The following SLC25A42 variants were observed in gnomAD, a reference collection of about 807,000 sequenced individuals.
The protein encoded by SLC25A42 is mitochondrial coenzyme A transporter SLC25A42.
In SLC25A42, 19 loss-of-function variants were observed where a neutral mutation model predicts 34.7. The ratio of observed to expected loss-of-function variants is 0.55; its 90% CI spans 0.38 to 0.80. The LOEUF (loss-of-function observed/expected upper bound fraction) is 0.80. Ranked by LOEUF, SLC25A42 falls within the 30% of genes least tolerant of loss-of-function variation. The pLI is 0.00. For missense variants in SLC25A42, 364 were observed against 441.3 expected (o/e 0.82, Z 1.57); for synonymous variants, 205 against 191.2 (o/e 1.07, Z -0.59).
intron 2 of SLC25A42, 38 bp downstream of exon 2, chr19:19,096,243 G>T: frequency 6.3e-7 from 1 of 1,582,048 alleles, no homozygotes; most frequent in Middle Eastern, 2.1e-4. Context: ...TGTTCTCCTG[G>T]GGCCCCAGCC....
At chr19:19,096,674 T>G (rs1431704726) in intron 2 of SLC25A42, among the ~76,000 whole-genome samples, 1 of 152,194 alleles carries the variant, frequency 6.6e-6, no homozygotes, top group African/African-American at 2.4e-5. Flanking sequence ...TGGTGGCTCA[T>G]GCCTATAATC....
intron 1 of SLC25A42, among the ~76,000 whole-genome samples, chr19:19,070,660 A>T (rs917593161): frequency 6.6e-6 from 1 of 152,176 alleles, no homozygotes; most frequent in East Asian, 1.9e-4. Context: ...AGGTGAACTC[A>T]TCTTAAGATC....
intron 2 of SLC25A42, among the ~76,000 whole-genome samples, chr19:19,101,390 C>A (rs547363855): frequency 1.3e-5 from 2 of 152,186 alleles, no homozygotes; most frequent in Non-Finnish European, 2.9e-5. Context: ...AACCCCCTGA[C>A]CCCAACGGTC....
At chr19:19,105,994 G>T (rs1357970984) in intron 5 of SLC25A42, 1 of 554,666 alleles carries the variant, frequency 1.8e-6, no homozygotes, top group South Asian at 2.5e-5. Flanking sequence ...AAATCCCAGA[G>T]GGGCAGGTTA....
chr19:19,105,355 A>T, intron 4 of SLC25A42: 1 of 621,474 alleles, frequency 1.6e-6, no homozygotes, highest in East Asian at 2.9e-5. Flanking sequence ...CAGAAAACAT[A>T]GGGAGGAAGG....
intron 1 of SLC25A42, among the ~76,000 whole-genome samples, chr19:19,071,985 C>T (rs1001924711): frequency 2.6e-5 from 4 of 152,206 alleles, no homozygotes; most frequent in African/African-American, 9.6e-5. Context: ...GATGCTCAGA[C>T]TGGCATGGGG....
chr19:19,089,953 T>TG (rs2059729504), intron 1 of SLC25A42, among the ~76,000 whole-genome samples: 1 of 152,228 alleles, frequency 6.6e-6, no homozygotes, highest in Admixed American at 6.5e-5. Context: ...TCTGTTCCAC[T>TG]GGGGGTCCCT....
intron 5 of SLC25A42, chr19:19,105,970 C>T (rs1373541525): frequency 3.6e-6 from 2 of 559,758 alleles, no homozygotes; most frequent in South Asian, 2.4e-5. Flanking sequence ...AGACGTTTCT[C>T]CACCCCCACG....
chr19:19,094,582 C>T (rs2059754891), intron 1 of SLC25A42, among the ~76,000 whole-genome samples: 1 of 152,186 alleles, frequency 6.6e-6, no homozygotes, highest in South Asian at 2.1e-4. Flanking sequence ...GAGCCAGTGC[C>T]CATGGGTCCA....
At chr19:19,110,544 G>A (rs1376549172) in intron 7 of SLC25A42, 25 bp from the exon 8 acceptor site, 30 of 1,377,436 alleles carry the variant, frequency 2.2e-5, no homozygotes, top group Middle Eastern at 2.7e-4. Flanking sequence ...GCGCCTTCAC[G>A]GCCCTCCCGC....
chr19:19,106,601 G>T, intron 6 of SLC25A42: 1 of 412,670 alleles, frequency 2.4e-6, no homozygotes, highest in Non-Finnish European at 4.4e-6. Flanking sequence ...TCAAACCAAG[G>T]GTCTTCATTT....
intron 1 of SLC25A42, among the ~76,000 whole-genome samples, chr19:19,076,080 T>G (rs968750829): frequency 1.3e-5 from 2 of 152,208 alleles, no homozygotes; most frequent in African/African-American, 4.8e-5. Context: ...CCCAGAATGC[T>G]GTCCTCAGAA....
Position 19,074,553 on chromosome 19 carries a change from G to A in SLC25A42, c.-35+10438G>A, listed in dbSNP as rs1182895098. Among the ~76,000 whole-genome samples the A allele has an allele frequency of 2.6e-5, 4 of 152,268 alleles. No individual in the cohort carries two copies. The South Asian group carries it at 8.3e-4, about 32-fold the overall frequency. ...AAACATTTCCTGAGTCCCAAGGGGT[G>A]GAGCTGGCAGTTGTATGGTGGTCCC... is the stretch of plus-strand genomic sequence containing the variant. On this transcript the variant is annotated intron_variant, in intron 1 of 7. Coordinates refer to ENST00000318596, the MANE Select transcript of SLC25A42 (RefSeq NM_178526.5).
In SLC25A42 at chr19:19,101,894, T is replaced by C. The variant is rs200055986; in HGVS notation, c.187+8T>C. The C allele has an allele frequency of 6.2e-6, 10 of 1,609,190 alleles. No individual in the cohort carries two copies. The East Asian group carries it at 1.3e-4, about 22-fold the overall frequency. On this transcript the variant is annotated splice_region_variant and intron_variant, in intron 3 of 7. Coordinates refer to ENST00000318596, the MANE Select transcript of SLC25A42 (RefSeq NM_178526.5). ...CCAAAATCATCTTCCAAGGTAAGTGTTGGCCATCCCCAGGTGCTAGAGAAG... is the reference window on the plus strand; with the variant it reads ...CCAAAATCATCTTCCAAGGTAAGTGCTGGCCATCCCCAGGTGCTAGAGAAG...
intron 1 of SLC25A42, among the ~76,000 whole-genome samples, chr19:19,067,021 CA>C (rs11419955): frequency 0.027 from 3,139 of 115,624 alleles, 51 homozygotes; most frequent in African/African-American, 0.049. Context: ...GACCCTGTCT[CA>C]AAAAAAAAAA....
intron 1 of SLC25A42, among the ~76,000 whole-genome samples, chr19:19,093,017 G>C (rs1425599463): frequency 6.6e-6 from 1 of 152,092 alleles, no homozygotes; most frequent in Non-Finnish European, 1.5e-5. Flanking sequence ...TTTGCAAGCA[G>C]TTTAGTTTAT....
At chr19:19,079,091 T>C (rs762612837) in intron 1 of SLC25A42, among the ~76,000 whole-genome samples, 11 of 152,082 alleles carry the variant, frequency 7.2e-5, no homozygotes, top group Non-Finnish European at 1.5e-4. Flanking sequence ...TATCTTGCTG[T>C]GTCACCCAGG....
chr19:19,071,595 G>A (rs1391052855), intron 1 of SLC25A42, among the ~76,000 whole-genome samples: 3 of 152,160 alleles, frequency 2.0e-5, no homozygotes, highest in East Asian at 1.9e-4. Flanking sequence ...GGGCTGGTGC[G>A]GTGGCTCACA....
chr19:19,106,491 G>C (rs2059829234), intron 6 of SLC25A42, 106 bp downstream of exon 6: 16 of 849,822 alleles, frequency 1.9e-5, no homozygotes, highest in Non-Finnish European at 2.4e-5. Context: ...TTTGCATCTG[G>C]GCCTCCGTGT....
Sources: gnomAD v4.1 joint callset for allele counts (sites outside exome capture counted in the v4.1 genomes callset) on GRCh38, gnomAD v4.1.1 for gene constraint, MANE v1.5 for transcripts, NCBI Gene and HGNC (gene_info 2026-07-23, HGNC 2026-07-21) for gene names.